The following PLAAT4 variants were observed in gnomAD, a reference collection of about 807,000 sequenced individuals.
The protein encoded by PLAAT4 is phospholipase A and acyltransferase 4, also known as HRAS-like suppressor 4.
Under a neutral mutation model 14.1 loss-of-function variants are expected in PLAAT4, and 12 were observed. That is an observed-to-expected ratio of 0.85 (90% CI 0.54 to 1.37). The LOEUF is 1.37. PLAAT4 is among the 40% of genes most tolerant of loss of function. The pLI is 0.00. For synonymous variants in PLAAT4, 77 were observed against 79.8 expected (o/e 0.96, Z 0.19); for missense variants, 163 against 211.7 (o/e 0.77, Z 1.43).
Position 63,544,711 on chromosome 11 carries a change from G to C in PLAAT4, c.209G>C (p.Gly70Ala), listed in dbSNP as rs2017348804. The change falls in exon 3 of 4, where the codon GGA becomes GCA. Residue 70 changes from glycine to alanine, a missense_variant. Transcript: ENST00000255688. ...CGGGAGCGCCTGGAAGATGTGGTGGGAGGCTGTTGCTATCGGGTCAACAAC... is the reference window on the plus strand; with the variant it reads ...CGGGAGCGCCTGGAAGATGTGGTGGCAGGCTGTTGCTATCGGGTCAACAAC... ...VKRERLEDVV[G>A]GCCYRVNNSL... is the part of the protein sequence containing the mutation. The C allele has an allele frequency of 6.2e-7, 1 of 1,614,080 alleles. No individual in the cohort carries two copies. Among genetic ancestry groups the C allele is most frequent in the African/African-American group, 1.3e-5 (1 of 74,918 alleles).
chr11:63,545,057 G>C, intron 3 of PLAAT4, 168 bp downstream of exon 3: 4 of 954,816 alleles, frequency 4.2e-6, no homozygotes, highest in South Asian at 1.5e-5. Context: ...AATCCACAGA[G>C]GGTCTTTGGA....
At chr11:63,538,882 G>A (rs1364396509) in intron 1 of PLAAT4, among the ~76,000 whole-genome samples, 1 of 152,188 alleles carries the variant, frequency 6.6e-6, no homozygotes, top group Non-Finnish European at 1.5e-5. Flanking sequence ...AGTTCCCACA[G>A]AGGCCTGTTC....
chr11:63,544,195 G>T (rs2017343697), intron 2 of PLAAT4, among the ~76,000 whole-genome samples: 2 of 152,146 alleles, frequency 1.3e-5, no homozygotes, highest in Admixed American at 1.3e-4. Flanking sequence ...CTAAATGACG[G>T]ATAACAGGGG....
chr11:63,539,576 T>G lies in PLAAT4; in HGVS notation c.70T>G (p.Trp24Gly). The change falls in exon 2 of 4, where the codon TGG becomes GGG. Residue 24 changes from tryptophan (W) to glycine (G), a missense_variant. Transcript: ENST00000255688. Reference sequence around the variant, plus strand: ...GATTTTCCGCCTTGGCTATGAGCACTGGGCCCTGTATATAGGAGATGGCTA... The same window carrying G: ...GATTTTCCGCCTTGGCTATGAGCACGGGGCCCTGTATATAGGAGATGGCTA... ...IEIFRLGYEH[W>G]ALYIGDGYVI... 6.2e-7 allele frequency: 1 copy of G among 1,614,068 alleles called. No homozygotes were observed. Among genetic ancestry groups the G allele is most frequent in the Non-Finnish European group, 8.5e-7 (1 of 1,179,942 alleles).
At chr11:63,541,784 T>A (rs1161272126) in intron 2 of PLAAT4, among the ~76,000 whole-genome samples, 2 of 152,340 alleles carry the variant, frequency 1.3e-5, no homozygotes, top group East Asian at 1.9e-4. Flanking sequence ...AAGTTTTACA[T>A]TTGTATTTTC....
At chr11:63,539,730 G>A (rs559608008) in intron 2 of PLAAT4, 106 bp downstream of exon 2, 2 of 765,308 alleles carry the variant, frequency 2.6e-6, no homozygotes, top group East Asian at 3.6e-5. Flanking sequence ...GAGAGGCCGA[G>A]GTGGGCAGAT....
At chr11:63,543,974 A>G (rs1057303894) in intron 2 of PLAAT4, among the ~76,000 whole-genome samples, 5 of 152,202 alleles carry the variant, frequency 3.3e-5, no homozygotes, top group Admixed American at 1.3e-4. Context: ...TCTCAGCCCA[A>G]TATTGGTTTT....
intron 1 of PLAAT4, chr11:63,538,412 C>T (rs1398901029): frequency 2.7e-6 from 1 of 374,650 alleles, no homozygotes; most frequent in Non-Finnish European, 5.3e-6. Context: ...CTGCCTGAAC[C>T]AAGTCAGTGG....
At chr11:63,543,772 T>C (rs2017340384) in intron 2 of PLAAT4, among the ~76,000 whole-genome samples, 1 of 152,244 alleles carries the variant, frequency 6.6e-6, no homozygotes, top group South Asian at 2.1e-4. Flanking sequence ...GCTCCATTGG[T>C]TGACAGCTCT....
chr11:63,545,877 A>C (rs1304515527), intron 3 of PLAAT4, among the ~76,000 whole-genome samples: 1 of 152,130 alleles, frequency 6.6e-6, no homozygotes, highest in Non-Finnish European at 1.5e-5. Flanking sequence ...GCTCTCTCAA[A>C]AGGACCTCAT....
At chr11:63,545,508 G>A (rs1349710848) in intron 3 of PLAAT4, 1 of 164,030 alleles carries the variant, frequency 6.1e-6, no homozygotes, top group Non-Finnish European at 1.3e-5. Context: ...ATGGTGGCAG[G>A]AGTAGAGGCT....
intron 2 of PLAAT4, among the ~76,000 whole-genome samples, chr11:63,539,836 C>A (rs2017307554): frequency 1.3e-5 from 2 of 152,172 alleles, no homozygotes; most frequent in Non-Finnish European, 2.9e-5. Context: ...TGGCACACAC[C>A]TGTAATCCCA....
rs758897093 is a variant in PLAAT4, at chr11:63,544,762, G to A, written c.260G>A (p.Arg87Gln). The A allele has an allele frequency of 3.1e-6, 5 of 1,614,198 alleles. No homozygotes were observed. The highest frequency in any genetic ancestry group is 2.2e-5 in the East Asian group (1 of 44,882). ...AGCTTGGACCATGAGTACCAACCAC[G>A]GCCCGTGGAGGTGATCATCAGTTCT... The part of the protein sequence containing the change: ...NNSLDHEYQP[R>Q]PVEVIISSAK... Residue 87 changes from arginine to glutamine, a missense_variant, in exon 3 of 4, where the codon CGG becomes CAG. Transcript: ENST00000255688.
intron 1 of PLAAT4, among the ~76,000 whole-genome samples, chr11:63,537,559 C>T (rs1276920532): frequency 6.6e-6 from 1 of 152,202 alleles, no homozygotes; most frequent in Non-Finnish European, 1.5e-5. Context: ...TGGGGAAGGG[C>T]TTTACTGCTG....
At chr11:63,545,144 A>G (rs542551712) in intron 3 of PLAAT4, 1 of 604,610 alleles carries the variant, frequency 1.7e-6, no homozygotes, top group East Asian at 2.8e-5. Flanking sequence ...CTTCCCCTCT[A>G]AAACCTATCC....
In PLAAT4 at chr11:63,545,544, C is replaced by T. The variant is rs142270748; in HGVS notation, c.388-605C>T. On this transcript the variant is annotated intron_variant, in intron 3 of 3. Coordinates refer to ENST00000255688, the MANE Select transcript of PLAAT4 (RefSeq NM_004585.5). Reference sequence around the variant, plus strand: ...TTGCGGAGGGAAATCCAGAGTTTGGCGTGGCATGTGATGTCTGAGGTGCCC... The same window carrying T: ...TTGCGGAGGGAAATCCAGAGTTTGGTGTGGCATGTGATGTCTGAGGTGCCC... Among the ~76,000 whole-genome samples the T allele has an allele frequency of 2.5e-3, 386 of 152,156 alleles. 1 individual carries two copies. The highest frequency in any genetic ancestry group is 9.0e-3 in the African/African-American group (374 of 41,506).
At chr11:63,542,940 TG>T (rs2017333265) in intron 2 of PLAAT4, among the ~76,000 whole-genome samples, 1 of 152,230 alleles carries the variant, frequency 6.6e-6, no homozygotes, top group Non-Finnish European at 1.5e-5. Context: ...AGGGGAAACC[TG>T]ATAATGAATT....
intron 2 of PLAAT4, among the ~76,000 whole-genome samples, chr11:63,541,614 CT>C (rs776320427): frequency 4.5e-3 from 521 of 115,026 alleles, no homozygotes; most frequent in Middle Eastern, 0.01. Context: ...TCACTGCAGT[CT>C]TTTTTTTTTT....
At chr11:63,539,380 G>A (rs1565235432) in intron 1 of PLAAT4, 136 bp from the exon 2 acceptor site, 8 of 726,120 alleles carry the variant, frequency 1.1e-5, no homozygotes, top group Non-Finnish European at 1.7e-5. Context: ...AGTGACAGCA[G>A]GGCTGAGGAT....
Sources: gnomAD v4.1 joint callset for allele counts (sites outside exome capture counted in the v4.1 genomes callset) on GRCh38, gnomAD v4.1.1 for gene constraint, MANE v1.5 for transcripts, NCBI Gene and HGNC (gene_info 2026-07-23, HGNC 2026-07-21) for gene names.